The following COLEC12 variants were observed in gnomAD, a reference collection of about 807,000 sequenced individuals.
The protein encoded by COLEC12 is collectin subfamily member 12.
Under a neutral mutation model 71.1 loss-of-function variants are expected in COLEC12, and 33 were observed. The observed-to-expected ratio is 0.46, with a 90% CI of 0.35 to 0.62. The LOEUF (loss-of-function observed/expected upper bound fraction) is 0.62, where lower values mean the gene tolerates loss of function less well. COLEC12 is among the 20% of genes least tolerant of loss of function. The pLI is 0.00. For synonymous variants in COLEC12, 350 were observed against 353.0 expected, an observed-to-expected ratio of 0.99 and a Z score of 0.10; for missense variants, 765 against 916.1, an observed-to-expected ratio of 0.84 and a Z score of 2.13.
intron 9 of COLEC12, among the ~76,000 whole-genome samples, chr18:320,294 C>A (rs1913671957): frequency 6.6e-6 from 1 of 152,164 alleles, no homozygotes; most frequent in African/African-American, 2.4e-5. Context: ...AAAGCCTGGT[C>A]CCTACTCAAA....
At chr18:490,532 T>C (rs944752083) in intron 1 of COLEC12, among the ~76,000 whole-genome samples, 3 of 152,248 alleles carry the variant, frequency 2.0e-5, no homozygotes, top group African/African-American at 7.2e-5. Context: ...TCAGGAAACC[T>C]ACGACATTAT....
chr18:452,498 G>C (rs1916782281), intron 2 of COLEC12, among the ~76,000 whole-genome samples: 1 of 152,122 alleles, frequency 6.6e-6, no homozygotes, highest in South Asian at 2.1e-4. Flanking sequence ...CTGCTTCTAG[G>C]AACCCCCTCT....
chr18:339,433 C>T (rs1376878293), intron 5 of COLEC12, among the ~76,000 whole-genome samples: 1 of 152,168 alleles, frequency 6.6e-6, no homozygotes. Context: ...TCAGCAGGTG[C>T]TAATCTCCAG....
At chr18:449,152 T>C (rs1916709256) in intron 2 of COLEC12, among the ~76,000 whole-genome samples, 1 of 152,108 alleles carries the variant, frequency 6.6e-6, no homozygotes, top group Admixed American at 6.5e-5. Flanking sequence ...GTAGAATACA[T>C]ACCTTTTTAA....
rs1007024493 is a variant in COLEC12, at chr18:399,024, T to C, written c.59-41502A>G. On this transcript the variant is annotated intron_variant, in intron 2 of 9. Transcript: ENST00000400256. This position sits in a 1 kb window ranked among gnomAD's most constrained non-coding sequence, Gnocchi z 4.0. The stretch of plus-strand genomic sequence containing the variant: ...CCTAAACACATCCAAATTCCTCTGA[T>C]CTTGTTACCCATGTAATACAACAGA... Among the ~76,000 whole-genome samples the C allele has an allele frequency of 6.6e-6, 1 of 152,226 alleles. No individual in the cohort carries two copies. Among genetic ancestry groups the C allele is most frequent in the African/African-American group, 2.4e-5 (1 of 41,458 alleles).
chr18:389,430 C>T (rs1915415641), intron 2 of COLEC12, among the ~76,000 whole-genome samples: 1 of 151,900 alleles, frequency 6.6e-6, no homozygotes, highest in Non-Finnish European at 1.5e-5. Flanking sequence ...AGGCGCCCGC[C>T]ACCATGCTCG....
intron 2 of COLEC12, among the ~76,000 whole-genome samples, chr18:440,298 T>C (rs191154811): frequency 1.1e-3 from 170 of 151,964 alleles, no homozygotes; most frequent in African/African-American, 3.9e-3. Flanking sequence ...ATGGTAACTG[T>C]AGTTAATAAT....
intron 8 of COLEC12, among the ~76,000 whole-genome samples, chr18:325,319 G>GT (rs1913810005): frequency 6.6e-6 from 1 of 152,212 alleles, no homozygotes; most frequent in Admixed American, 6.5e-5. Flanking sequence ...GACTCGTAGT[G>GT]TGACAGCACA....
chr18:392,385 C>G (rs927267524), intron 2 of COLEC12, among the ~76,000 whole-genome samples: 5 of 152,186 alleles, frequency 3.3e-5, no homozygotes, highest in Admixed American at 2.0e-4. Context: ...CTTGATCAAG[C>G]CTTAGTTTTC....
intron 2 of COLEC12, among the ~76,000 whole-genome samples, chr18:418,904 T>G (rs1421249941): frequency 1.3e-5 from 2 of 152,206 alleles, no homozygotes; most frequent in Non-Finnish European, 2.9e-5. Context: ...CACTTTACAC[T>G]GAGGACTCGC....
chr18:448,313 T>C (rs1196677646), intron 2 of COLEC12, among the ~76,000 whole-genome samples: 2 of 152,244 alleles, frequency 1.3e-5, no homozygotes, highest in Non-Finnish European at 2.9e-5. Flanking sequence ...AGTCTGATCC[T>C]GTAATCTTTG....
At position 347,977 on chromosome 18, in the gene COLEC12, G is replaced by A. The variant is rs1914422503; in HGVS notation, c.280+88C>T. The A allele has an allele frequency of 5.1e-6, 4 of 789,014 alleles. No individual in the cohort carries two copies. In the Admixed American group the frequency reaches 6.8e-5, roughly 13 times the overall value. The allele number at this position is 789,014 out of a possible 1,614,324, so 48.9% of individuals were successfully genotyped here. A position where few individuals can be genotyped will look rare whatever the true frequency, so the allele number is the denominator to read the frequency against. The stretch of plus-strand genomic sequence containing the variant: ...AAATTGAATGTCCTTCCGGGTGAAT[G>A]GGGAGTTTATAGCAACATCATTCTA... On this transcript the variant is annotated intron_variant, in intron 4 of 9. Coordinates refer to ENST00000400256, the MANE Select transcript of COLEC12 (RefSeq NM_130386.3).
intron 2 of COLEC12, among the ~76,000 whole-genome samples, chr18:387,360 C>T (rs1056020886): frequency 2.0e-5 from 3 of 152,106 alleles, no homozygotes; most frequent in African/African-American, 7.2e-5. Context: ...AATTAGCAGA[C>T]GACAGCACCC....
intron 6 of COLEC12, 121 bp downstream of exon 6, chr18:334,621 C>T: frequency 2.3e-6 from 2 of 865,678 alleles, no homozygotes; most frequent in Admixed American, 3.9e-5. Flanking sequence ...GAGTGAGACC[C>T]TGTCTCAAAA....
rs557605452 is a variant in COLEC12 at position 466,428 on chromosome 18, G to A, written c.58+14279C>T. Among the ~76,000 whole-genome samples, 8 of 152,104 alleles carry A rather than the reference G, an allele frequency of 5.3e-5. No homozygotes were observed. In the East Asian group the frequency reaches 5.8e-4, roughly 11 times the overall value. On this transcript the variant is annotated intron_variant, in intron 2 of 9. Coordinates refer to ENST00000400256, the MANE Select transcript of COLEC12 (RefSeq NM_130386.3). ...GTCTCCTTCCTTTCGCAGACTATCC[G>A]TGCTCTGTTTCCTGCTTTGCCTGAA...
chr18:489,432 T>C (rs1917579943), intron 1 of COLEC12, among the ~76,000 whole-genome samples: 1 of 152,226 alleles, frequency 6.6e-6, no homozygotes, highest in South Asian at 2.1e-4. Flanking sequence ...TGTGTCTGAG[T>C]GTGTGCATGT....
chr18:478,852 A>T (rs1191303005), intron 2 of COLEC12, among the ~76,000 whole-genome samples: 2 of 147,154 alleles, frequency 1.4e-5, no homozygotes, highest in Non-Finnish European at 3.0e-5. Flanking sequence ...TGTGCTCTCT[A>T]ATATTTGTAA....
chr18:493,833 T>C (rs1204744254), intron 1 of COLEC12, among the ~76,000 whole-genome samples: 3 of 152,368 alleles, frequency 2.0e-5, no homozygotes, highest in East Asian at 3.8e-4. Context: ...AACATACTTA[T>C]ACATACATCT....
chr18:424,241 A>G (rs1184919091), intron 2 of COLEC12: 2 of 152,378 alleles, frequency 1.3e-5, no homozygotes, highest in Admixed American at 6.5e-5. Context: ...TGGATCCTGC[A>G]TTACAGAAGG....
Sources: gnomAD v4.1 joint callset for allele counts (sites outside exome capture counted in the v4.1 genomes callset) on GRCh38, gnomAD v4.1.1 for gene constraint, Gnocchi (gnomAD v3.1) non-coding constraint, MANE v1.5 for transcripts, NCBI Gene and HGNC (gene_info 2026-07-23, HGNC 2026-07-21) for gene names.